The following GAS2L3 variants were observed in gnomAD, a reference collection of about 807,000 sequenced individuals.
GAS2L3 encodes growth arrest specific 2 like 3, also known as GAS2-like protein 3.
A neutral mutation model predicts 37.0 loss-of-function variants in GAS2L3; 28 were observed. The ratio of observed to expected loss-of-function variants is 0.76; its 90% confidence interval spans 0.56 to 1.04. The LOEUF is 1.04. Among genes scored for constraint, GAS2L3 ranks in the 50% least tolerant of loss-of-function variants. The pLI is 0.00. For synonymous variants in GAS2L3, 290 were observed against 296.6 expected, an observed-to-expected ratio of 0.98 and a Z score of 0.23; for missense variants, 793 against 817.6, an observed-to-expected ratio of 0.97 and a Z score of 0.37.
chr12:100,574,212 A>G (rs933476051), intron 1 of GAS2L3, among the ~76,000 whole-genome samples: 3 of 152,182 alleles, frequency 2.0e-5, no homozygotes, highest in African/African-American at 7.2e-5. Flanking sequence ...CCTGGCACTT[A>G]GAGGGTCTGT....
At position 100,600,556 on chromosome 12, in the gene GAS2L3, G is replaced by A. The variant is rs1447113916; in HGVS notation, c.187+6G>A. On this transcript the variant is annotated splice_donor_region_variant and intron_variant, in intron 4 of 9. Coordinates refer to ENST00000547754, the MANE Select transcript of GAS2L3 (RefSeq NM_174942.3). ...CTGGTTATCTGGTTTATTAGGTGAG[G>A]CTTGAAACAATACCCAAAATTGTAT... 6.2e-7 allele frequency: 1 copy of A among 1,610,042 alleles called. No individual in the cohort carries two copies. Among genetic ancestry groups the A allele is most frequent in the Non-Finnish European group, 8.5e-7 (1 of 1,177,212 alleles).
intron 8 of GAS2L3, among the ~76,000 whole-genome samples, chr12:100,619,445 T>C (rs1956227431): frequency 6.6e-6 from 1 of 152,062 alleles, no homozygotes; most frequent in African/African-American, 2.4e-5. Flanking sequence ...TATACAAAAT[T>C]AAGAAATAAT....
At chr12:100,621,125 C>A (rs1956246804) in intron 8 of GAS2L3, among the ~76,000 whole-genome samples, 1 of 152,032 alleles carries the variant, frequency 6.6e-6, no homozygotes, top group African/African-American at 2.4e-5. Flanking sequence ...ATATAAATTT[C>A]TATTGGTGCT....
chr12:100,624,080 A>G lies in GAS2L3; in HGVS notation c.1275A>G (p.Ala425=), dbSNP rs747105563. ...CTTCACCAGCTTTACCAAGAACTGC[A>G]CCTTGTATATCTGAGTCACCGAGAA... is the stretch of plus-strand genomic sequence containing the variant. ...NTSSPALPRT[A]PCISESPRKC... is the part of the protein sequence containing the mutation. Residue 425 remains alanine, a synonymous_variant, in exon 10 of 10, where the codon GCA becomes GCG. Transcript: ENST00000547754. The G allele has an allele frequency of 6.2e-7, 1 of 1,613,982 alleles. No homozygotes were observed. Among genetic ancestry groups the G allele is most frequent in the South Asian group, 1.1e-5 (1 of 91,062 alleles).
intron 5 of GAS2L3, among the ~76,000 whole-genome samples, chr12:100,605,410 G>C (rs907730138): frequency 1.3e-5 from 2 of 151,508 alleles, no homozygotes; most frequent in Admixed American, 1.3e-4. Context: ...CTGACTTAAG[G>C]TCTGTCAATT....
chr12:100,605,662 T>TAG (rs1956046916), intron 5 of GAS2L3, among the ~76,000 whole-genome samples: 1 of 152,006 alleles, frequency 6.6e-6, no homozygotes. Context: ...GCTTTCACTG[T>TAG]ATCCCATAGG....
At chr12:100,597,644 T>G (rs577500605) in intron 3 of GAS2L3, among the ~76,000 whole-genome samples, 7 of 152,148 alleles carry the variant, frequency 4.6e-5, no homozygotes, top group Admixed American at 2.0e-4. Flanking sequence ...TTTTTATTTT[T>G]TATTAGATTT....
chr12:100,597,661 C>A (rs2136451958), intron 3 of GAS2L3, among the ~76,000 whole-genome samples: 1 of 150,866 alleles, frequency 6.6e-6, no homozygotes, highest in Non-Finnish European at 1.5e-5. Context: ...ATTTCCCTAC[C>A]CCTGCATGCT....
At chr12:100,589,798 A>G (rs1042579867) in intron 1 of GAS2L3, among the ~76,000 whole-genome samples, 6 of 152,216 alleles carry the variant, frequency 3.9e-5, no homozygotes, top group African/African-American at 1.4e-4. Flanking sequence ...ATCTTTGACA[A>G]AGCAAACAAA....
At chr12:100,596,811 C>A (rs959016442) in intron 3 of GAS2L3, among the ~76,000 whole-genome samples, 1 of 152,028 alleles carries the variant, frequency 6.6e-6, no homozygotes, top group Non-Finnish European at 1.5e-5. Flanking sequence ...AAGTCACTCT[C>A]TGTGAAAAGG....
At chr12:100,590,658 A>G (rs1255578366) in intron 1 of GAS2L3, among the ~76,000 whole-genome samples, 1 of 152,202 alleles carries the variant, frequency 6.6e-6, no homozygotes, top group Non-Finnish European at 1.5e-5. Flanking sequence ...AATCATGGAA[A>G]CAACCCAAAT....
intron 6 of GAS2L3, among the ~76,000 whole-genome samples, chr12:100,614,967 C>G (rs1188185295): frequency 6.6e-6 from 1 of 152,100 alleles, no homozygotes; most frequent in Non-Finnish European, 1.5e-5. Flanking sequence ...AATAATGTTG[C>G]TCTGAACATT....
chr12:100,590,752 T>C (rs1593166404), intron 1 of GAS2L3, among the ~76,000 whole-genome samples: 1 of 152,144 alleles, frequency 6.6e-6, no homozygotes, highest in Non-Finnish European at 1.5e-5. Context: ...TATGCAGCCA[T>C]AAAAAGGAAT....
intron 5 of GAS2L3, among the ~76,000 whole-genome samples, chr12:100,602,245 AT>A (rs967231484): frequency 4.6e-5 from 7 of 152,132 alleles, no homozygotes; most frequent in African/African-American, 1.7e-4. Context: ...TTAGTGGTAA[AT>A]TTTATAAATA....
At chr12:100,579,079 G>T in intron 1 of GAS2L3, 1 of 737,048 alleles carries the variant, frequency 1.4e-6, no homozygotes, top group Non-Finnish European at 2.5e-6. Flanking sequence ...GTCTGCCATT[G>T]CTCAAGTACA....
chr12:100,600,021 A>G (rs921205953), intron 3 of GAS2L3, among the ~76,000 whole-genome samples: 1 of 152,174 alleles, frequency 6.6e-6, no homozygotes, highest in East Asian at 1.9e-4. Flanking sequence ...CAGGAGTTCA[A>G]GACCAGCCTG....
intron 3 of GAS2L3, 132 bp downstream of exon 3, chr12:100,595,054 C>T (rs1475807860): frequency 2.5e-6 from 1 of 397,364 alleles, no homozygotes; most frequent in Non-Finnish European, 4.7e-6. Context: ...TTTAATAACA[C>T]ATACTATATT....
chr12:100,575,583 G>A (rs938593255), intron 1 of GAS2L3, among the ~76,000 whole-genome samples: 6 of 144,246 alleles, frequency 4.2e-5, no homozygotes, highest in Non-Finnish European at 8.9e-5. Context: ...CCGGGTTCAA[G>A]CGATTCTCCT....
intron 1 of GAS2L3, among the ~76,000 whole-genome samples, chr12:100,581,057 A>G (rs1955705886): frequency 6.6e-6 from 1 of 152,206 alleles, no homozygotes; most frequent in South Asian, 2.1e-4. Flanking sequence ...CTAGGGACTG[A>G]TATCACTGTT....
Sources: gnomAD v4.1 joint callset for allele counts (sites outside exome capture counted in the v4.1 genomes callset) on GRCh38, gnomAD v4.1.1 for gene constraint, MANE v1.5 for transcripts, NCBI Gene and HGNC (gene_info 2026-07-23, HGNC 2026-07-21) for gene names.